ABCA5: variants seen among roughly 807,000 people sequenced by gnomAD.
ABCA5 encodes the protein ATP binding cassette subfamily A member 5.
Under a neutral mutation model 206.0 loss-of-function variants are expected in ABCA5, and 163 were observed. That is an observed-to-expected ratio of 0.79 (90% CI 0.70 to 0.90). The LOEUF is 0.90. Ranked by LOEUF, ABCA5 falls within the 40% of genes least tolerant of loss-of-function variation. The probability of loss-of-function intolerance (pLI) is 0.00; values close to 1 mark genes in which losing one functional copy is unlikely to be tolerated. For missense variants in ABCA5, 1,859 were observed against 1,912.9 expected (o/e 0.97, Z 0.53); for synonymous variants, 609 against 613.8 (o/e 0.99, Z 0.11).
At position 69,313,164 on chromosome 17, in the gene ABCA5, G is replaced by C. The variant is rs761606626; in HGVS notation, c.235C>G (p.Leu79Val). Residue 79 changes from leucine to valine, a missense_variant, in exon 3 of 39, where the codon CTT (leucine) becomes GTT (valine). Transcript: ENST00000392676. ...ATATTAGTCACTGGAGTATATCCAA[G>C]AATTAGATTAGAAAGAGTAAACTTG... ...MDKFTLSNLI[L>V]GYTPVTNITS... The C allele has an allele frequency of 4.3e-6, 7 of 1,610,488 alleles. No homozygotes were observed. The highest frequency in any genetic ancestry group is 4.2e-6 in the Non-Finnish European group (5 of 1,177,640).
Position 69,301,175 on chromosome 17 carries a change from C to T in ABCA5, c.1231G>A (p.Val411Ile), listed in dbSNP as rs765702672. Reference protein sequence around the residue: ...IMLTLNSIFYVLLAVYLDQVI... With the variant: ...IMLTLNSIFYILLAVYLDQVI... ...TGATCAAGATAGACAGCCAAGAGGA[C>T]ATAGAATATACTATTAAGTGTGAGC... The change falls in exon 9 of 39, where the codon GTC becomes ATC. Residue 411 changes from valine to isoleucine, a missense_variant. Transcript: ENST00000392676. 1.3e-6 allele frequency: 2 copies of T among 1,587,050 alleles called. No homozygotes were observed. The highest frequency in any genetic ancestry group is 1.7e-6 in the Non-Finnish European group (2 of 1,171,930).
intron 22 of ABCA5, 59 bp from the exon 23 acceptor site, chr17:69,268,115 T>C (rs2075231292): frequency 8.7e-6 from 5 of 573,408 alleles, no homozygotes; most frequent in African/African-American, 3.0e-5. Context: ...TCTTAAGATA[T>C]ATCTTAGGAT....
intron 18 of ABCA5, among the ~76,000 whole-genome samples, chr17:69,279,949 T>G (rs1435398507): frequency 1.3e-5 from 2 of 152,100 alleles, no homozygotes; most frequent in Non-Finnish European, 2.9e-5. Context: ...AACCTAGGCA[T>G]TACCATTCAG....
In ABCA5 at chr17:69,276,278, G is replaced by A. The variant is rs144532826; in HGVS notation, c.2594+1363C>T. ...ATTTTTTTATATTTTTAGTAGAGAC[G>A]GAGTTTCACCATGTTGGCCAGGATG... On this transcript the variant is annotated intron_variant, in intron 19 of 38. Coordinates refer to ENST00000392676, the MANE Select transcript of ABCA5 (RefSeq NM_172232.4). 7.5e-3 allele frequency among the ~76,000 whole-genome samples: 1,134 copies of A among 152,016 alleles called. 10 individuals carry two copies. Among genetic ancestry groups the A allele is most frequent in the African/African-American group, 0.024 (1,012 of 41,486 alleles).
chr17:69,277,407 G>T (rs1279889577), intron 19 of ABCA5, among the ~76,000 whole-genome samples: 1 of 152,106 alleles, frequency 6.6e-6, no homozygotes, highest in African/African-American at 2.4e-5. Context: ...GGGAATATTT[G>T]TTATTTCCTC....
chr17:69,303,275 G>A (rs914083546), intron 7 of ABCA5, among the ~76,000 whole-genome samples: 2 of 152,042 alleles, frequency 1.3e-5, no homozygotes, highest in African/African-American at 4.8e-5. Context: ...GGGGCACCAC[G>A]TCCAGCATTT....
chr17:69,251,932 A>G, intron 34 of ABCA5, 66 bp from the exon 35 acceptor site: 1 of 1,570,680 alleles, frequency 6.4e-7, no homozygotes, highest in Non-Finnish European at 8.6e-7. Context: ...ATGGGTTTTT[A>G]AAAATCCAAC....
chr17:69,325,614 G>A lies in ABCA5; in HGVS notation c.-16+1438C>T, dbSNP rs578169259. The A allele has an allele frequency of 2.6e-5, 4 of 152,252 alleles. No individual in the cohort carries two copies. The East Asian group carries it at 7.7e-4, about 29-fold the overall frequency. 9.4% of individuals were successfully genotyped at this position (152,252 alleles called of 1,614,324 possible). A position where few individuals can be genotyped will look rare whatever the true frequency, so the allele number is the denominator to read the frequency against. ...TATCGGTACTCTTGGCACATAGTATGGTATCTGGAATGTAAAAGACATGCA... is the reference window on the plus strand; with the variant it reads ...TATCGGTACTCTTGGCACATAGTATAGTATCTGGAATGTAAAAGACATGCA... On this transcript the variant is annotated intron_variant, in intron 1 of 38. Coordinates refer to ENST00000392676, the MANE Select transcript of ABCA5 (RefSeq NM_172232.4).
intron 7 of ABCA5, among the ~76,000 whole-genome samples, chr17:69,303,779 A>AT (rs2075677273): frequency 1.2e-4 from 1 of 8,416 alleles, no homozygotes; most frequent in Non-Finnish European, 1.2e-3. Context: ...AAAAAAAAAA[A>AT]AAAAAAATAT....
intron 20 of ABCA5, among the ~76,000 whole-genome samples, chr17:69,272,702 A>C (rs539219139): frequency 8.1e-6 from 1 of 123,760 alleles, no homozygotes; most frequent in African/African-American, 2.9e-5. Context: ...CATTCGAGTA[A>C]TTTTCCATTA....
intron 12 of ABCA5, among the ~76,000 whole-genome samples, chr17:69,290,461 C>T (rs963373937): frequency 6.6e-6 from 1 of 151,988 alleles, no homozygotes; most frequent in African/African-American, 2.4e-5. Flanking sequence ...ATACAGTGAA[C>T]ACTAATATAT....
At position 69,248,198 on chromosome 17, in the gene ABCA5, A is replaced by AT; in HGVS notation, c.4821+63_4821+64insA. 2 of 1,012,904 alleles carry AT rather than the reference A, an allele frequency of 2.0e-6. 1 individual carries two copies. Among genetic ancestry groups the AT allele is most frequent in the South Asian group, 3.1e-5 (2 of 65,216 alleles). 62.7% of individuals were successfully genotyped at this position (1,012,904 alleles called of 1,614,324 possible). ...TATCTCTCCCTCTCTAATATAAACC[A>AT]AAACAATCGATATCAGATACTTTCT... On this transcript the variant is annotated intron_variant, in intron 38 of 38. Coordinates refer to ENST00000392676, the MANE Select transcript of ABCA5 (RefSeq NM_172232.4).
intron 1 of ABCA5, among the ~76,000 whole-genome samples, chr17:69,323,890 T>C (rs1369786580): frequency 6.6e-6 from 1 of 152,140 alleles, no homozygotes; most frequent in Non-Finnish European, 1.5e-5. Context: ...GGTTGAAAAA[T>C]AATAATAATA....
In ABCA5 at chr17:69,266,037, G is replaced by A. The variant is rs1338708007; in HGVS notation, c.3145-1132C>T. Among the ~76,000 whole-genome samples, 5 of 152,088 alleles carry A rather than the reference G, an allele frequency of 3.3e-5. No homozygotes were observed. The East Asian group carries it at 9.6e-4, about 29-fold the overall frequency. Reference sequence around the variant, plus strand: ...AAAACAATCCAAATGTTCTTCAACAGGCAAATGGTTAGAGAAAGTGTGATG... The same window carrying A: ...AAAACAATCCAAATGTTCTTCAACAAGCAAATGGTTAGAGAAAGTGTGATG... On this transcript the variant is annotated intron_variant, in intron 23 of 38. Coordinates refer to ENST00000392676, the MANE Select transcript of ABCA5 (RefSeq NM_172232.4).
chr17:69,260,533 T>C (rs937152733), intron 26 of ABCA5, 121 bp from the exon 27 acceptor site: 6 of 645,400 alleles, frequency 9.3e-6, no homozygotes, highest in African/African-American at 7.5e-5. Flanking sequence ...CTGTTCATAT[T>C]AGTAAGTTAT....
Position 69,259,734 on chromosome 17 carries a change from T to C in ABCA5, c.3703A>G (p.Arg1235Gly), listed in dbSNP as rs2075124771. Residue 1235 changes from arginine to glycine, a missense_variant, in exon 28 of 39, where the codon AGA becomes GGA. By Grantham distance (125) the Arg-to-Gly change is moderately radical (BLOSUM62 -2). Coordinates refer to ENST00000392676, the MANE Select transcript of ABCA5 (RefSeq NM_172232.4). ...LQYYEKKYGG[R>G]SIRKDPFFRN... ...AAAAAGGGATCTTTTCTTATTGATC[T>C]GCCTCCATATTTTTTCTCATAGTAT... is the stretch of plus-strand genomic sequence containing the variant. 1.2e-6 allele frequency: 2 copies of C among 1,608,474 alleles called. No individual in the cohort carries two copies. Among genetic ancestry groups the C allele is most frequent in the African/African-American group, 1.3e-5 (1 of 74,710 alleles).
intron 8 of ABCA5, 95 bp from the exon 9 acceptor site, chr17:69,301,381 T>C (rs890767286): frequency 1.4e-5 from 14 of 996,482 alleles, no homozygotes; most frequent in South Asian, 4.2e-5. Context: ...TCCAGAGTGA[T>C]AGTAACCAAC....
At chr17:69,296,114 G>T (rs186288906) in intron 10 of ABCA5, among the ~76,000 whole-genome samples, 57 of 152,180 alleles carry the variant, frequency 3.7e-4, no homozygotes, top group African/African-American at 1.4e-3. Flanking sequence ...AGTGAAGGGG[G>T]ATATAAACCA....
intron 10 of ABCA5, 76 bp downstream of exon 10, chr17:69,297,115 A>G: frequency 1.5e-6 from 2 of 1,371,908 alleles, no homozygotes; most frequent in Non-Finnish European, 2.0e-6. Context: ...CCATATTTAC[A>G]TACATATTTA....
Sources: allele counts gnomAD v4.1 joint callset (sites outside exome capture counted in the v4.1 genomes callset), GRCh38; gene constraint gnomAD v4.1.1; transcripts MANE v1.5; gene names NCBI Gene and HGNC (gene_info 2026-07-23, HGNC 2026-07-21).